ASPH: variants seen among roughly 807,000 people sequenced by gnomAD.
ASPH encodes the protein aspartyl/asparaginyl beta-hydroxylase.
Under a neutral mutation model 118.4 loss-of-function variants are expected in ASPH, and 100 were observed. The observed-to-expected ratio is 0.84, with a 90% confidence interval of 0.72 to 1.00. ASPH has a LOEUF of 1.00. Among genes scored for constraint, ASPH ranks in the 50% least tolerant of loss-of-function variants. The probability of loss-of-function intolerance (pLI) is 0.00; values close to 1 mark genes in which losing one functional copy is unlikely to be tolerated. For synonymous variants in ASPH, 315 were observed against 325.6 expected, an observed-to-expected ratio of 0.97 and a Z score of 0.35; for missense variants, 920 against 919.5, an observed-to-expected ratio of 1.00 and a Z score of -0.01.
intron 2 of ASPH, chr8:61,682,519 T>TA: frequency 6.3e-7 from 1 of 1,577,000 alleles, no homozygotes; most frequent in Non-Finnish European, 8.7e-7. Context: ...CTGTTATTTG[T>TA]GCTTAAAGGT....
chr8:61,591,036 G>A (rs1021330321), intron 14 of ASPH, among the ~76,000 whole-genome samples: 2 of 152,048 alleles, frequency 1.3e-5, no homozygotes, highest in African/African-American at 4.8e-5. Flanking sequence ...TATACACAGT[G>A]CTCGCTCAAA....
intron 14 of ASPH, among the ~76,000 whole-genome samples, chr8:61,609,324 C>T (rs887479081): frequency 7.2e-5 from 11 of 152,206 alleles, no homozygotes; most frequent in African/African-American, 2.7e-4. Context: ...CCCTATGAGG[C>T]TAGGTTTCTC....
intron 16 of ASPH, 141 bp from the exon 17 acceptor site, chr8:61,567,459 TA>T (rs985839985): frequency 1.8e-4 from 153 of 847,350 alleles, no homozygotes; most frequent in African/African-American, 2.2e-4. Flanking sequence ...TATCAAGAGA[TA>T]AAAAAAACTA....
intron 3 of ASPH, among the ~76,000 whole-genome samples, chr8:61,662,617 A>G (rs1297498935): frequency 1.3e-5 from 2 of 152,218 alleles, no homozygotes; most frequent in African/African-American, 4.8e-5. Context: ...ACGCAGTTGG[A>G]TAAAGTGTGA....
intron 3 of ASPH, among the ~76,000 whole-genome samples, chr8:61,670,720 G>C (rs934912634): frequency 2.6e-5 from 4 of 151,740 alleles, no homozygotes; most frequent in African/African-American, 9.7e-5. Flanking sequence ...ACAGGCTCAA[G>C]GGAAAGGGCT....
At chr8:61,675,151 T>C (rs1430520326) in intron 3 of ASPH, 1 of 317,838 alleles carries the variant, frequency 3.1e-6, no homozygotes, top group Admixed American at 6.5e-5. Context: ...CTGCCCTAAA[T>C]GGAATTACCA....
chr8:61,620,224 CTT>C (rs1389706803), intron 13 of ASPH, among the ~76,000 whole-genome samples: 1 of 152,172 alleles, frequency 6.6e-6, no homozygotes, highest in Admixed American at 6.6e-5. Context: ...TATGAATTCT[CTT>C]GTCTTCTCAC....
Position 61,618,966 on chromosome 8 carries a change from T to C in ASPH, c.976+12A>G. On this transcript the variant is annotated intron_variant, in intron 14 of 24. Transcript: ENST00000379454. Reference sequence around the variant, plus strand: ...ATGTATATTTTAAAGGCTGTTTATTTGACAATCTCACCTTTTGCTTTTTGT... The same window carrying C: ...ATGTATATTTTAAAGGCTGTTTATTCGACAATCTCACCTTTTGCTTTTTGT... 1.3e-6 allele frequency: 2 copies of C among 1,596,386 alleles called. No individual in the cohort carries two copies. Among genetic ancestry groups the C allele is most frequent in the Non-Finnish European group, 1.7e-6 (2 of 1,165,672 alleles).
intron 13 of ASPH, among the ~76,000 whole-genome samples, 156 bp from the exon 14 acceptor site, chr8:61,619,175 C>T (rs1265993901): frequency 6.6e-6 from 1 of 152,190 alleles, no homozygotes; most frequent in Non-Finnish European, 1.5e-5. Flanking sequence ...ATTCATTACA[C>T]ATGAAGTTCA....
intron 16 of ASPH, 123 bp from the exon 17 acceptor site, chr8:61,567,441 T>C (rs916408734): frequency 6.8e-6 from 7 of 1,032,940 alleles, no homozygotes; most frequent in Non-Finnish European, 8.2e-6. Context: ...ACGTTAGCCT[T>C]TTCTCCTTAT....
chr8:61,666,119 GA>G (rs1452585014), intron 3 of ASPH, among the ~76,000 whole-genome samples: 1 of 151,956 alleles, frequency 6.6e-6, no homozygotes, highest in Non-Finnish European at 1.5e-5. Context: ...AGTTAACTAG[GA>G]AAAAATTGTC....
rs763560642 is a variant in ASPH, at chr8:61,646,802, C to A, written c.567G>T (p.Ala189=). ...TCTCAAATCTATCATCTACATCAGTCGCCATAAGAAACTCATCATCCTCTT... is the reference window on the plus strand; with the variant it reads ...TCTCAAATCTATCATCTACATCAGTAGCCATAAGAAACTCATCATCCTCTT... ...PQQEDDEFLM[A]TDVDDRFETL... The change falls in exon 6 of 25, where the codon GCG becomes GCT. Residue 189 remains alanine, a synonymous_variant. Coordinates refer to ENST00000379454, the MANE Select transcript of ASPH (RefSeq NM_004318.4). 7.4e-6 allele frequency: 12 copies of A among 1,613,872 alleles called. No homozygotes were observed. Among genetic ancestry groups the A allele is most frequent in the African/African-American group, 1.3e-5 (1 of 74,920 alleles).
chr8:61,508,868 C>T (rs1807677376), intron 24 of ASPH, among the ~76,000 whole-genome samples: 2 of 152,224 alleles, frequency 1.3e-5, no homozygotes, highest in Admixed American at 1.3e-4. Context: ...ATATTTGACA[C>T]AGCTCTTACT....
chr8:61,592,145 ATCCAC>A (rs1841323483), intron 14 of ASPH, among the ~76,000 whole-genome samples: 1 of 152,154 alleles, frequency 6.6e-6, no homozygotes, highest in Non-Finnish European at 1.5e-5. Flanking sequence ...TTGTTTTTTC[ATCCAC>A]GAAATGGGGA....
rs753881027 is a variant in ASPH at position 61,505,234 on chromosome 8, G to A, written c.2127-1725C>T. ...CTTTCAGCTGGATGCGGTGGCTCAC[G>A]CCTGTAATCTCAGCACTTTGGGAGG... On this transcript the variant is annotated intron_variant, in intron 24 of 24. Transcript: ENST00000379454. Among the ~76,000 whole-genome samples, 129 of 152,108 alleles carry A rather than the reference G, an allele frequency of 8.5e-4. 1 individual carries two copies. Among genetic ancestry groups the A allele is most frequent in the Admixed American group, 4.0e-3 (61 of 15,260 alleles).
chr8:61,674,121 A>C (rs561122214), intron 3 of ASPH, among the ~76,000 whole-genome samples: 1 of 152,358 alleles, frequency 6.6e-6, no homozygotes, highest in South Asian at 2.1e-4. Context: ...AATTAATCGA[A>C]TATCTTCTAG....
intron 15 of ASPH, among the ~76,000 whole-genome samples, chr8:61,582,689 C>T (rs1837954853): frequency 6.6e-6 from 1 of 152,210 alleles, no homozygotes; most frequent in Non-Finnish European, 1.5e-5. Flanking sequence ...CATTGGTACA[C>T]TTTCAATAAA....
At chr8:61,665,565 T>G (rs1436910986) in intron 3 of ASPH, 2 of 1,595,250 alleles carry the variant, frequency 1.3e-6, no homozygotes, top group Non-Finnish European at 1.7e-6. Context: ...GACTCAGGTT[T>G]CTCTTTCTCC....
intron 19 of ASPH, among the ~76,000 whole-genome samples, chr8:61,554,752 T>C (rs1292802241): frequency 1.3e-5 from 2 of 152,182 alleles, no homozygotes; most frequent in Non-Finnish European, 2.9e-5. Context: ...ATACACATTT[T>C]TTAGAGACAG....
Sources: gnomAD v4.1 joint callset for allele counts (sites outside exome capture counted in the v4.1 genomes callset) on GRCh38, gnomAD v4.1.1 for gene constraint, MANE v1.5 for transcripts, NCBI Gene and HGNC (gene_info 2026-07-23, HGNC 2026-07-21) for gene names.